The following ULK4 variants were observed in gnomAD, a reference collection of about 807,000 sequenced individuals.
ULK4 encodes the protein unc-51 like kinase 4, also known as inactive serine/threonine-protein kinase ULK4.
A neutral mutation model predicts 160.6 loss-of-function variants in ULK4; 133 were observed. The observed-to-expected ratio is 0.83, with a 90% CI of 0.72 to 0.96. ULK4 has a LOEUF of 0.96. ULK4 is among the 40% of genes least tolerant of loss of function. ULK4 has a pLI of 0.00. For synonymous variants in ULK4, 534 were observed against 539.8 expected, an observed-to-expected ratio of 0.99 and a Z score of 0.15; for missense variants, 1,580 against 1,499.5, an observed-to-expected ratio of 1.05 and a Z score of -0.89.
chr3:41,431,562 T>TTTTTTTTTTTTTTTTTTTTTTTTTTTG (rs2082910974), intron 34 of ULK4, among the ~76,000 whole-genome samples: 1 of 142,694 alleles, frequency 7.0e-6, no homozygotes, highest in Admixed American at 7.0e-5. Context: ...TTTTTTTTTT[T>TTTTTTTTTTTTTTTTTTTTTTTTTTTG]GATGTGGAAA....
chr3:41,530,529 A>T (rs1298059932), intron 32 of ULK4, among the ~76,000 whole-genome samples: 2 of 151,954 alleles, frequency 1.3e-5, no homozygotes, highest in African/African-American at 2.4e-5. Context: ...TTATTGGTCC[A>T]TTGGAGCTAC....
chr3:41,566,902 G>A (rs1023120211), intron 31 of ULK4, among the ~76,000 whole-genome samples: 5 of 152,104 alleles, frequency 3.3e-5, no homozygotes, highest in Non-Finnish European at 7.4e-5. Flanking sequence ...TCTGGAACTA[G>A]GATGAGGCAA....
At position 41,709,080 on chromosome 3, in the gene ULK4, G is replaced by A. The variant is rs1190695607; in HGVS notation, c.2635-3775C>T. The stretch of plus-strand genomic sequence containing the variant: ...AAATGCATCTATATGAATGGAAAAC[G>A]TAAGAAAACAACAATATGTTAACAA... On this transcript the variant is annotated intron_variant, in intron 25 of 36. Transcript: ENST00000301831. 4.6e-5 allele frequency among the ~76,000 whole-genome samples: 7 copies of A among 152,164 alleles called. No individual in the cohort carries two copies. The South Asian group carries it at 1.0e-3, about 23-fold the overall frequency.
At chr3:41,681,452 G>A in intron 29 of ULK4, 56 bp downstream of exon 29, 1 of 1,601,286 alleles carries the variant, frequency 6.2e-7, no homozygotes, top group East Asian at 2.2e-5. Context: ...TAGTTTGACA[G>A]AAGCTTCCTG....
At chr3:41,758,262 T>C (rs1411729833) in intron 21 of ULK4, among the ~76,000 whole-genome samples, 1 of 152,180 alleles carries the variant, frequency 6.6e-6, no homozygotes, top group Non-Finnish European at 1.5e-5. Context: ...TTACCCCGTC[T>C]AAGGTACCTT....
intron 32 of ULK4, among the ~76,000 whole-genome samples, chr3:41,524,533 T>A (rs2086044872): frequency 6.6e-6 from 1 of 152,190 alleles, no homozygotes; most frequent in Non-Finnish European, 1.5e-5. Context: ...CTTGTTTTCC[T>A]CCAGTCTTTC....
At chr3:41,628,594 TG>T (rs1215042269) in intron 30 of ULK4, among the ~76,000 whole-genome samples, 2 of 152,182 alleles carry the variant, frequency 1.3e-5, no homozygotes, top group East Asian at 3.9e-4. Context: ...AAGAAAAGGC[TG>T]AGGAACTGTT....
chr3:41,909,600 A>G (rs1344982488), intron 11 of ULK4, among the ~76,000 whole-genome samples: 1 of 152,032 alleles, frequency 6.6e-6, no homozygotes, highest in African/African-American at 2.4e-5. Context: ...CTGTAATCCC[A>G]ACCACTTGGG....
intron 35 of ULK4, among the ~76,000 whole-genome samples, chr3:41,377,393 A>G (rs1488627834): frequency 2.6e-5 from 4 of 151,328 alleles, no homozygotes; most frequent in Admixed American, 2.6e-4. Flanking sequence ...TAAACTAAAG[A>G]GCTTCTGCAC....
At chr3:41,391,015 T>G (rs568074223) in intron 35 of ULK4, among the ~76,000 whole-genome samples, 1 of 152,084 alleles carries the variant, frequency 6.6e-6, no homozygotes, top group Non-Finnish European at 1.5e-5. Flanking sequence ...TGAGAGCAAC[T>G]TTTTTTAGCT....
chr3:41,851,704 C>T (rs2042218406), intron 17 of ULK4, among the ~76,000 whole-genome samples: 1 of 151,992 alleles, frequency 6.6e-6, no homozygotes, highest in Non-Finnish European at 1.5e-5. Flanking sequence ...CCAACGAGAA[C>T]AAAGACACAA....
chr3:41,900,465 G>C (rs1165708187), intron 13 of ULK4, among the ~76,000 whole-genome samples: 1 of 152,208 alleles, frequency 6.6e-6, no homozygotes, highest in Non-Finnish European at 1.5e-5. Context: ...GGAAGAAGCA[G>C]TAGTGAGAGG....
At position 41,506,764 on chromosome 3, in the gene ULK4, T is replaced by TAAAAAAAAAAAAAAAAAAAAAAAAAAAAA. The variant is rs200785051; in HGVS notation, c.3227-43512_3227-43511insTTTTTTTTTTTTTTTTTTTTTTTTTTTTT. ...CAAAGCAATACACTGGAGTGTGATT[T>TAAAAAAAAAAAAAAAAAAAAAAAAAAAAA]AAAATATATATATATATATATATAT... On this transcript the variant is annotated intron_variant, in intron 32 of 36. Transcript: ENST00000301831. Among the ~76,000 whole-genome samples, 7 of 19,924 alleles carry TAAAAAAAAAAAAAAAAAAAAAAAAAAAAA rather than the reference T, an allele frequency of 3.5e-4. 1 individual carries two copies. The highest frequency in any genetic ancestry group is 5.5e-4 in the Non-Finnish European group (6 of 10,962). 13.1% of individuals were successfully genotyped at this position (19,924 alleles called of 152,430 possible).
At chr3:41,474,572 T>G (rs2084501194) in intron 32 of ULK4, among the ~76,000 whole-genome samples, 2 of 151,862 alleles carry the variant, frequency 1.3e-5, no homozygotes, top group Admixed American at 1.3e-4. Context: ...AGAGACAAGC[T>G]ACAGACTGAG....
intron 2 of ULK4, among the ~76,000 whole-genome samples, chr3:41,951,714 T>C (rs190047234): frequency 6.6e-6 from 1 of 152,340 alleles, no homozygotes; most frequent in East Asian, 1.9e-4. Context: ...CATTGAAACC[T>C]AATGTCCACT....
chr3:41,925,988 T>C (rs1691600524), intron 5 of ULK4, among the ~76,000 whole-genome samples: 1 of 152,204 alleles, frequency 6.6e-6, no homozygotes, highest in South Asian at 2.1e-4. Context: ...CAGCACAGCA[T>C]TCAAGCTCTG....
intron 35 of ULK4, among the ~76,000 whole-genome samples, chr3:41,293,169 A>G (rs2079605082): frequency 1.3e-5 from 2 of 152,172 alleles, no homozygotes; most frequent in Admixed American, 1.3e-4. Context: ...ATGAATAAAA[A>G]TAAGGCAAGG....
intron 19 of ULK4, among the ~76,000 whole-genome samples, chr3:41,813,500 A>G (rs2040874579): frequency 6.6e-6 from 1 of 152,188 alleles, no homozygotes; most frequent in Non-Finnish European, 1.5e-5. Flanking sequence ...CCAGTGACAA[A>G]TAATTTATAC....
chr3:41,694,412 G>A (rs2036418366), intron 27 of ULK4, among the ~76,000 whole-genome samples: 1 of 152,192 alleles, frequency 6.6e-6, no homozygotes, highest in Admixed American at 6.5e-5. Flanking sequence ...AGAGCAGGGA[G>A]GGACATACTC....
Sources: gnomAD v4.1 joint callset for allele counts (sites outside exome capture counted in the v4.1 genomes callset) on GRCh38, gnomAD v4.1.1 for gene constraint, MANE v1.5 for transcripts, NCBI Gene and HGNC (gene_info 2026-07-23, HGNC 2026-07-21) for gene names.